Variants in GREM2 observed in about 807,000 individuals in gnomAD.
GREM2 encodes the protein gremlin 2, DAN family BMP antagonist.
A neutral mutation model predicts 14.2 loss-of-function variants in GREM2; 11 were observed. That is an observed-to-expected ratio of 0.78 (90% CI 0.49 to 1.28). GREM2 has a LOEUF of 1.28. GREM2 is among the 50% of genes most tolerant of loss of function. The probability of loss-of-function intolerance (pLI) is 0.00; values close to 1 mark genes in which losing one functional copy is unlikely to be tolerated. For synonymous variants in GREM2, 98 were observed against 97.6 expected (o/e 1.00, Z -0.02); for missense variants, 210 against 218.5 (o/e 0.96, Z 0.24).
intron 1 of GREM2, among the ~76,000 whole-genome samples, chr1:240,565,762 C>T (rs1679166051): frequency 6.6e-6 from 1 of 150,516 alleles, no homozygotes; most frequent in Admixed American, 6.6e-5. Context: ...AGGAGAATTG[C>T]TTGAACCTGG....
intron 1 of GREM2, among the ~76,000 whole-genome samples, chr1:240,530,175 AC>A (rs1234245482): frequency 1.3e-5 from 2 of 152,186 alleles, no homozygotes; most frequent in African/African-American, 2.4e-5. Flanking sequence ...AATTAAGTCA[AC>A]CAGGGTTAAA....
intron 1 of GREM2, among the ~76,000 whole-genome samples, chr1:240,572,649 C>A (rs1488813654): frequency 6.6e-6 from 1 of 152,236 alleles, no homozygotes; most frequent in African/African-American, 2.4e-5. Flanking sequence ...ACATCTCCCA[C>A]AATTCTTGTT....
chr1:240,589,015 T>C (rs1679653744), intron 1 of GREM2: 1 of 152,126 alleles, frequency 6.6e-6, no homozygotes, highest in African/African-American at 2.4e-5. Context: ...TCCAGCTACT[T>C]GAGAGGCTGA....
intron 1 of GREM2, among the ~76,000 whole-genome samples, chr1:240,563,157 G>T (rs1558164435): frequency 6.6e-6 from 1 of 151,634 alleles, no homozygotes; most frequent in African/African-American, 2.4e-5. Context: ...GAGTGTGTAT[G>T]TGTGTACGTG....
chr1:240,513,974 G>A (rs546631110), intron 1 of GREM2, among the ~76,000 whole-genome samples: 10 of 151,846 alleles, frequency 6.6e-5, no homozygotes, highest in East Asian at 1.9e-4. Context: ...AGTCCGGTGC[G>A]GTGGCTCATG....
intron 1 of GREM2, among the ~76,000 whole-genome samples, chr1:240,532,874 G>A (rs563632450): frequency 6.6e-6 from 1 of 152,206 alleles, no homozygotes; most frequent in Non-Finnish European, 1.5e-5. Flanking sequence ...ACTGGCTATA[G>A]CATTCTGCTT....
At chr1:240,609,706 T>G (rs1680096580) in intron 1 of GREM2, among the ~76,000 whole-genome samples, 1 of 152,198 alleles carries the variant, frequency 6.6e-6, no homozygotes, top group South Asian at 2.1e-4. Context: ...CAAAAGTGGC[T>G]GAACTAATCT....
At chr1:240,563,431 A>G (rs1165857759) in intron 1 of GREM2, among the ~76,000 whole-genome samples, 1 of 152,208 alleles carries the variant, frequency 6.6e-6, no homozygotes, top group African/African-American at 2.4e-5. Context: ...AAATTGCTGT[A>G]TGAATACATT....
At chr1:240,514,505 A>G (rs1677907633) in intron 1 of GREM2, among the ~76,000 whole-genome samples, 2 of 152,220 alleles carry the variant, frequency 1.3e-5, no homozygotes, top group Non-Finnish European at 2.9e-5. Flanking sequence ...AACAATGCTT[A>G]AAGTTAGGGA....
At chr1:240,537,866 T>A (rs4372235) in intron 1 of GREM2, among the ~76,000 whole-genome samples, 4,255 of 152,280 alleles carry the variant, frequency 0.028, 167 homozygotes, top group African/African-American at 0.096. Context: ...ACAAATATAA[T>A]ATATTAATCA....
intron 1 of GREM2, among the ~76,000 whole-genome samples, chr1:240,580,778 G>T (rs568700718): frequency 6.6e-6 from 1 of 152,124 alleles, no homozygotes; most frequent in Admixed American, 6.5e-5. Context: ...TCACTATTTT[G>T]CCCAGGCTGA....
chr1:240,610,822 G>A (rs916516376), intron 1 of GREM2, among the ~76,000 whole-genome samples: 2 of 152,130 alleles, frequency 1.3e-5, no homozygotes, highest in Non-Finnish European at 2.9e-5. Flanking sequence ...CAGAAAAAGC[G>A]CTTTTCATAG....
At chr1:240,604,566 A>G (rs954142733) in intron 1 of GREM2, among the ~76,000 whole-genome samples, 8 of 152,186 alleles carry the variant, frequency 5.3e-5, no homozygotes, top group Non-Finnish European at 1.0e-4. Context: ...TTACATTCGT[A>G]ACTAAAGAGA....
chr1:240,589,128 T>C (rs994029829), intron 1 of GREM2: 1 of 151,880 alleles, frequency 6.6e-6, no homozygotes, highest in Non-Finnish European at 1.5e-5. Context: ...ATCTCTTTAA[T>C]TTAATTTTAA....
chr1:240,523,128 T>C (rs1678139955), intron 1 of GREM2, among the ~76,000 whole-genome samples: 1 of 152,228 alleles, frequency 6.6e-6, no homozygotes, highest in Non-Finnish European at 1.5e-5. Flanking sequence ...GAGTTTTCAC[T>C]CTTGCCCAGG....
intron 1 of GREM2, among the ~76,000 whole-genome samples, chr1:240,599,655 A>G (rs1679883769): frequency 6.6e-6 from 1 of 152,198 alleles, no homozygotes; most frequent in Non-Finnish European, 1.5e-5. Flanking sequence ...GAGAAGACTG[A>G]TCTTTTGGTC....
At chr1:240,517,437 G>T (rs1677978161) in intron 1 of GREM2, among the ~76,000 whole-genome samples, 1 of 152,080 alleles carries the variant, frequency 6.6e-6, no homozygotes, top group Non-Finnish European at 1.5e-5. Context: ...TATGGAGCTG[G>T]TCCTTTATGC....
At chr1:240,517,049 C>T (rs1677972467) in intron 1 of GREM2, among the ~76,000 whole-genome samples, 1 of 152,114 alleles carries the variant, frequency 6.6e-6, no homozygotes. Context: ...ACAACCTGCT[C>T]ATAATGTTAT....
chr1:240,599,614 G>A (rs1002537585), intron 1 of GREM2, among the ~76,000 whole-genome samples: 9 of 152,174 alleles, frequency 5.9e-5, no homozygotes, highest in Admixed American at 1.3e-4. Flanking sequence ...TAGAGGAAAC[G>A]CAAGTTTGGG....
Sources: allele counts gnomAD v4.1 joint callset (sites outside exome capture counted in the v4.1 genomes callset), GRCh38; gene constraint gnomAD v4.1.1; transcripts MANE v1.5; gene names NCBI Gene and HGNC (gene_info 2026-07-23, HGNC 2026-07-21).